The following CHN1 variants were observed in gnomAD, a reference collection of about 807,000 sequenced individuals.
The protein encoded by CHN1 is N-chimaerin.
A neutral mutation model predicts 59.5 loss-of-function variants in CHN1; 37 were observed. The observed-to-expected ratio is 0.62, with a 90% confidence interval of 0.48 to 0.82. The LOEUF is 0.82. CHN1 is among the 40% of genes least tolerant of loss of function. CHN1 has a pLI of 0.00. For missense variants in CHN1, 469 were observed against 571.0 expected, an observed-to-expected ratio of 0.82 and a Z score of 1.82; for synonymous variants, 206 against 200.4, an observed-to-expected ratio of 1.03 and a Z score of -0.24.
chr2:174,896,489 G>T (rs1688220896), intron 5 of CHN1, among the ~76,000 whole-genome samples: 1 of 152,116 alleles, frequency 6.6e-6, no homozygotes, highest in African/African-American at 2.4e-5. Flanking sequence ...GGATAGAGAG[G>T]ACAGTTTAAT....
At chr2:174,971,995 T>C (rs541657003) in intron 1 of CHN1, among the ~76,000 whole-genome samples, 1 of 152,234 alleles carries the variant, frequency 6.6e-6, no homozygotes, top group South Asian at 2.1e-4. Context: ...CCTGAGGAAA[T>C]ACTTCAAGTG....
chr2:174,937,876 T>C (rs1047465512), intron 3 of CHN1, among the ~76,000 whole-genome samples: 5 of 152,144 alleles, frequency 3.3e-5, no homozygotes, highest in Non-Finnish European at 7.4e-5. Context: ...GAAGCCTCAG[T>C]AGAAGCAAAT....
At chr2:174,981,273 C>T (rs1341970623) in intron 1 of CHN1, among the ~76,000 whole-genome samples, 1 of 151,902 alleles carries the variant, frequency 6.6e-6, no homozygotes, top group Non-Finnish European at 1.5e-5. Flanking sequence ...GATGTGAGAT[C>T]AGCTAAAAAA....
Position 174,998,132 on chromosome 2 carries a change from G to A in CHN1, c.19+6762C>T, listed in dbSNP as rs1027245521. Among the ~76,000 whole-genome samples, 65 of 151,618 alleles carry A rather than the reference G, an allele frequency of 4.3e-4. 1 individual carries two copies. Among genetic ancestry groups the A allele is most frequent in the African/African-American group, 1.3e-3 (54 of 41,332 alleles). On this transcript the variant is annotated intron_variant, in intron 1 of 12. Coordinates refer to ENST00000409900, the MANE Select transcript of CHN1 (RefSeq NM_001822.7). ...AGCCTGGCCAACATGGCAAAACCCCGTCTCTACTAAATACGCAAAAATTAG... is the reference window on the plus strand; with the variant it reads ...AGCCTGGCCAACATGGCAAAACCCCATCTCTACTAAATACGCAAAAATTAG...
chr2:174,824,521 GAAAA>G lies in CHN1; in HGVS notation c.628-7_628-4del, dbSNP rs375494218. On this transcript the variant is annotated splice_region_variant and splice_polypyrimidine_tract_variant and intron_variant, in intron 7 of 12. Transcript: ENST00000409900. Reference sequence around the variant, plus strand: ...TGTGGCCCTCTGAATGTATGCACCTGAAAAAAAAAAAGAGGGGCAAAGTCAGGAA... The same window carrying G: ...TGTGGCCCTCTGAATGTATGCACCTGAAAAAAAGAGGGGCAAAGTCAGGAA... 50 of 1,252,180 alleles carry G rather than the reference GAAAA, an allele frequency of 4.0e-5. No individual in the cohort carries two copies. In the South Asian group the frequency reaches 7.2e-4, roughly 18 times the overall value. 77.6% of individuals were successfully genotyped at this position (1,252,180 alleles called of 1,614,324 possible).
intron 7 of CHN1, among the ~76,000 whole-genome samples, 166 bp from the exon 8 acceptor site, chr2:174,824,684 T>C (rs1685626045): frequency 6.6e-6 from 1 of 152,054 alleles, no homozygotes; most frequent in Admixed American, 6.6e-5. Flanking sequence ...TGCAGTGGTG[T>C]ATCACAGCTC....
intron 7 of CHN1, among the ~76,000 whole-genome samples, chr2:174,829,038 G>A (rs569455085): frequency 9.9e-4 from 151 of 152,218 alleles, no homozygotes; most frequent in African/African-American, 3.6e-3. Context: ...GGTCCATCTC[G>A]ACAAATGAAA....
intron 5 of CHN1, 69 bp downstream of exon 5, chr2:174,914,989 A>T: frequency 1.2e-6 from 1 of 862,746 alleles, no homozygotes. Flanking sequence ...GAATGCTTTT[A>T]AAATTTAAAG....
intron 2 of CHN1, among the ~76,000 whole-genome samples, chr2:174,950,675 TAA>T (rs1689998018): frequency 6.6e-6 from 1 of 151,762 alleles, no homozygotes; most frequent in African/African-American, 2.4e-5. Flanking sequence ...ACAAACTCAA[TAA>T]TAGTCTGAGG....
At chr2:174,918,513 T>C in intron 4 of CHN1, 21 bp downstream of exon 4, 1 of 1,566,694 alleles carries the variant, frequency 6.4e-7, no homozygotes, top group Non-Finnish European at 8.7e-7. Flanking sequence ...TATAAAACGT[T>C]TTCTAATAAT....
At chr2:174,845,194 A>C (rs2105433260) in intron 7 of CHN1, among the ~76,000 whole-genome samples, 1 of 152,296 alleles carries the variant, frequency 6.6e-6, no homozygotes, top group South Asian at 2.1e-4. Flanking sequence ...TGTATAATGA[A>C]CTTGACCTAG....
intron 8 of CHN1, among the ~76,000 whole-genome samples, chr2:174,816,251 C>A (rs1685256197): frequency 6.6e-6 from 1 of 152,186 alleles, no homozygotes; most frequent in African/African-American, 2.4e-5. Context: ...ATCCCACTCA[C>A]AAGCTCAGCA....
Position 174,804,255 on chromosome 2 carries a change from G to A in CHN1, c.1103-2443C>T, listed in dbSNP as rs138038242. Among the ~76,000 whole-genome samples the A allele has an allele frequency of 5.3e-5, 8 of 152,204 alleles. No homozygotes were observed. In the East Asian group the frequency reaches 1.4e-3, roughly 26 times the overall value. On this transcript the variant is annotated intron_variant, in intron 11 of 12. Transcript: ENST00000409900. ...TGCAGAGATCCTGAGGGGAGAGTACGCCTATAATGTTTGAGGAAAAGTGGG... is the reference window on the plus strand; with the variant it reads ...TGCAGAGATCCTGAGGGGAGAGTACACCTATAATGTTTGAGGAAAAGTGGG...
chr2:174,849,978 T>C (rs1477642805), intron 6 of CHN1, among the ~76,000 whole-genome samples: 1 of 152,182 alleles, frequency 6.6e-6, no homozygotes, highest in East Asian at 1.9e-4. Flanking sequence ...TAGGAATAGA[T>C]GGTAAGACAG....
At chr2:174,888,033 T>C (rs1687940966) in intron 5 of CHN1, among the ~76,000 whole-genome samples, 1 of 152,190 alleles carries the variant, frequency 6.6e-6, no homozygotes, top group Non-Finnish European at 1.5e-5. Flanking sequence ...GGTATATTTA[T>C]AGAATATGTG....
At position 174,800,175 on chromosome 2, in the gene CHN1, T is replaced by C; in HGVS notation, c.1321A>G (p.Ile441Val). The C allele has an allele frequency of 1.9e-6, 3 of 1,540,720 alleles. No homozygotes were observed. Among genetic ancestry groups the C allele is most frequent in the Non-Finnish European group, 2.6e-6 (3 of 1,149,040 alleles). ...ELDAMAALND[I>V]RYQRLVVELL... ...TCCACCACCAGTCTCTGATACCGTATATCATTCAATGCAGCCATGGCGTCT... is the reference window on the plus strand; with the variant it reads ...TCCACCACCAGTCTCTGATACCGTACATCATTCAATGCAGCCATGGCGTCT... Residue 441 changes from isoleucine (I) to valine (V), a missense_variant, in exon 13 of 13, where the codon ATA becomes GTA. This residue lies in a region of CHN1 where 225 missense variants were observed against 289.9 expected (regional missense o/e 0.78). Transcript: ENST00000409900.
At chr2:174,935,324 C>G (rs563562808) in intron 3 of CHN1, among the ~76,000 whole-genome samples, 1 of 152,306 alleles carries the variant, frequency 6.6e-6, no homozygotes, top group East Asian at 1.9e-4. Flanking sequence ...CAGATGGTAG[C>G]CCCTCCAAGA....
intron 3 of CHN1, among the ~76,000 whole-genome samples, chr2:174,926,658 A>C (rs1689170413): frequency 6.6e-6 from 1 of 152,176 alleles, no homozygotes; most frequent in Non-Finnish European, 1.5e-5. Flanking sequence ...CAAAGGCCTA[A>C]GTGACTATTT....
intron 6 of CHN1, among the ~76,000 whole-genome samples, chr2:174,849,533 A>G (rs1264391575): frequency 1.3e-5 from 2 of 152,226 alleles, no homozygotes; most frequent in Admixed American, 1.3e-4. Flanking sequence ...ACTTGTAAAT[A>G]ACAAAAATTG....
Sources: allele counts gnomAD v4.1 joint callset (sites outside exome capture counted in the v4.1 genomes callset), GRCh38; gene constraint gnomAD v4.1.1; regional missense constraint gnomAD v4.1.1; transcripts MANE v1.5; gene names NCBI Gene and HGNC (gene_info 2026-07-23, HGNC 2026-07-21).